Variants in KCNIP1 observed in about 807,000 individuals in gnomAD.
KCNIP1 encodes potassium voltage-gated channel interacting protein 1, also known as A-type potassium channel modulatory protein KCNIP1.
In KCNIP1, 18 loss-of-function variants were observed where a neutral mutation model predicts 33.0. That is an observed-to-expected ratio of 0.55 (90% CI 0.38 to 0.81). KCNIP1 has a LOEUF of 0.81. Among genes scored for constraint, KCNIP1 ranks in the 30% least tolerant of loss-of-function variants. The pLI is 0.00. For synonymous variants in KCNIP1, 93 were observed against 98.3 expected (o/e 0.95, Z 0.32); for missense variants, 238 against 271.6 (o/e 0.88, Z 0.87).
chr5:170,572,388 A>T (rs1241360221), intron 1 of KCNIP1, among the ~76,000 whole-genome samples: 3 of 152,168 alleles, frequency 2.0e-5, no homozygotes, highest in African/African-American at 7.2e-5. Flanking sequence ...GACCTCCAAT[A>T]CCCGGAATGC....
chr5:170,636,129 G>A (rs1226400663), intron 1 of KCNIP1, among the ~76,000 whole-genome samples: 1 of 152,244 alleles, frequency 6.6e-6, no homozygotes, highest in East Asian at 1.9e-4. Flanking sequence ...AGAGTTTGTT[G>A]TATTAGACAG....
chr5:170,522,999 A>G (rs981308545), intron 1 of KCNIP1, among the ~76,000 whole-genome samples: 1 of 152,224 alleles, frequency 6.6e-6, no homozygotes, highest in African/African-American at 2.4e-5. Flanking sequence ...TAATTACATC[A>G]GGAGACCCCA....
At chr5:170,547,825 T>A (rs1756473385) in intron 1 of KCNIP1, among the ~76,000 whole-genome samples, 1 of 152,242 alleles carries the variant, frequency 6.6e-6, no homozygotes, top group South Asian at 2.1e-4. Flanking sequence ...AGTGCTACAA[T>A]GAACATACGC....
chr5:170,390,884 C>T (rs761288123), intron 1 of KCNIP1, among the ~76,000 whole-genome samples: 1 of 152,124 alleles, frequency 6.6e-6, no homozygotes, highest in South Asian at 2.1e-4. Flanking sequence ...GCCTTCCCTG[C>T]TGAGCGAGCT....
chr5:170,451,873 T>G (rs1175960334), intron 1 of KCNIP1, among the ~76,000 whole-genome samples: 1 of 152,078 alleles, frequency 6.6e-6, no homozygotes, highest in Non-Finnish European at 1.5e-5. Context: ...AAGAATGTTA[T>G]CACTGGATGA....
chr5:170,636,437 G>A (rs901591390), intron 1 of KCNIP1, among the ~76,000 whole-genome samples: 6 of 152,136 alleles, frequency 3.9e-5, no homozygotes. Flanking sequence ...GGAGGGGCCC[G>A]AGGCTGGAAC....
intron 1 of KCNIP1, among the ~76,000 whole-genome samples, chr5:170,614,609 T>G (rs991830953): frequency 7.2e-5 from 11 of 152,156 alleles, no homozygotes; most frequent in African/African-American, 2.7e-4. Flanking sequence ...ACCAATTCTC[T>G]CCCCCGTTGA....
intron 1 of KCNIP1, among the ~76,000 whole-genome samples, chr5:170,507,208 C>G (rs1329625527): frequency 6.6e-6 from 1 of 152,220 alleles, no homozygotes; most frequent in African/African-American, 2.4e-5. Flanking sequence ...TTTTTCAACT[C>G]AGGAATCAGT....
chr5:170,581,322 T>C lies in KCNIP1; in HGVS notation c.61+76689T>C, dbSNP rs113025097. On this transcript the variant is annotated intron_variant, in intron 1 of 7. Transcript: ENST00000328939. ...TCAGGCTAGACCCAGGACTCACAAG[T>C]TGAGCTCACAATTAGTTCCACTTCC... 4.8e-3 allele frequency among the ~76,000 whole-genome samples: 732 copies of C among 152,314 alleles called. 8 individuals carry two copies. Among genetic ancestry groups the C allele is most frequent in the African/African-American group, 0.016 (685 of 41,574 alleles).
chr5:170,465,318 C>T (rs934784174), intron 1 of KCNIP1, among the ~76,000 whole-genome samples: 1 of 152,186 alleles, frequency 6.6e-6, no homozygotes, highest in African/African-American at 2.4e-5. Flanking sequence ...TGCCCCTTAT[C>T]AGAGGCTATA....
chr5:170,389,734 A>G (rs1176413727), intron 1 of KCNIP1: 1 of 152,226 alleles, frequency 6.6e-6, no homozygotes, highest in African/African-American at 2.4e-5. Flanking sequence ...GCTTGTCACT[A>G]GTCCCTGGCA....
At chr5:170,629,137 G>A (rs777306369) in intron 1 of KCNIP1, among the ~76,000 whole-genome samples, 4 of 152,124 alleles carry the variant, frequency 2.6e-5, no homozygotes, top group African/African-American at 9.7e-5. Context: ...CATACGCATC[G>A]ATCTCATGCT....
At chr5:170,357,619 T>C (rs1278632079) in intron 1 of KCNIP1, among the ~76,000 whole-genome samples, 1 of 152,180 alleles carries the variant, frequency 6.6e-6, no homozygotes, top group Non-Finnish European at 1.5e-5. Context: ...AGCCTCGACT[T>C]TCTGGGCTCA....
At chr5:170,380,466 T>C (rs745837735) in intron 1 of KCNIP1, among the ~76,000 whole-genome samples, 2 of 152,244 alleles carry the variant, frequency 1.3e-5, no homozygotes, top group African/African-American at 2.4e-5. Context: ...GGCCACTCCC[T>C]GGATTTATAT....
At chr5:170,385,302 A>G (rs770784634) in intron 1 of KCNIP1, 1 of 1,614,034 alleles carries the variant, frequency 6.2e-7, no homozygotes, top group Non-Finnish European at 8.5e-7. Context: ...GCAGGCCGGG[A>G]GAGCTCAGTA....
chr5:170,629,109 T>C (rs529786483), intron 1 of KCNIP1, among the ~76,000 whole-genome samples: 1 of 152,254 alleles, frequency 6.6e-6, no homozygotes, highest in South Asian at 2.1e-4. Flanking sequence ...AAACATCTGT[T>C]CCCTCCTTCG....
chr5:170,503,703 ACACACACG>A (rs1754543275), upstream of KCNIP1, among the ~76,000 whole-genome samples: 4 of 148,144 alleles, frequency 2.7e-5, no homozygotes, highest in African/African-American at 7.5e-5. Context: ...ACACACACAC[ACACACACG>A]CACGCACGCA....
chr5:170,399,760 T>G (rs967198750), intron 1 of KCNIP1, among the ~76,000 whole-genome samples: 1 of 152,236 alleles, frequency 6.6e-6, no homozygotes, highest in Non-Finnish European at 1.5e-5. Context: ...GTCCATCATA[T>G]AGATATGTCA....
At chr5:170,587,730 C>G (rs1470501023) in intron 1 of KCNIP1, among the ~76,000 whole-genome samples, 2 of 152,246 alleles carry the variant, frequency 1.3e-5, no homozygotes, top group African/African-American at 4.8e-5. Context: ...GTGATTACAT[C>G]AGGTTCACCT....
Sources: gnomAD v4.1 joint callset for allele counts (sites outside exome capture counted in the v4.1 genomes callset) on GRCh38, gnomAD v4.1.1 for gene constraint, MANE v1.5 for transcripts, NCBI Gene and HGNC (gene_info 2026-07-23, HGNC 2026-07-21) for gene names.